Variants in CCDC149 observed in about 807,000 individuals in gnomAD.
CCDC149 encodes coiled-coil domain containing 149.
A neutral mutation model predicts 59.9 loss-of-function variants in CCDC149; 45 were observed. The ratio of observed to expected loss-of-function variants is 0.75; its 90% confidence interval spans 0.59 to 0.96. CCDC149 has a LOEUF of 0.96. Among genes scored for constraint, CCDC149 ranks in the 40% least tolerant of loss-of-function variants. The pLI is 0.00. For missense variants in CCDC149, 584 were observed against 664.7 expected (o/e 0.88, Z 1.33); for synonymous variants, 245 against 260.6 (o/e 0.94, Z 0.58).
intron 1 of CCDC149, among the ~76,000 whole-genome samples, chr4:24,971,452 C>G (rs1172468631): frequency 6.6e-6 from 1 of 152,216 alleles, no homozygotes; most frequent in Non-Finnish European, 1.5e-5. Flanking sequence ...GGTGCACAAC[C>G]CTGCACATTA....
At chr4:24,823,087 T>G (rs1715514847) in intron 9 of CCDC149, 1 of 152,258 alleles carries the variant, frequency 6.6e-6, no homozygotes, top group Non-Finnish European at 1.5e-5. Context: ...ATGTCCACAT[T>G]CTTGATATTT....
intron 8 of CCDC149, among the ~76,000 whole-genome samples, chr4:24,833,404 A>G (rs190440249): frequency 5.8e-4 from 88 of 152,256 alleles, no homozygotes; most frequent in African/African-American, 2.0e-3. Flanking sequence ...CGGGCAGATC[A>G]CCTGAGGTCA....
At chr4:24,810,110 C>G (rs1714500734) in intron 12 of CCDC149, among the ~76,000 whole-genome samples, 2 of 152,142 alleles carry the variant, frequency 1.3e-5, no homozygotes, top group South Asian at 4.1e-4. Context: ...ATGCACTGAT[C>G]AGTTTCTCCC....
At chr4:24,825,021 AGAG>A (rs1715634662) in intron 9 of CCDC149, among the ~76,000 whole-genome samples, 1 of 152,174 alleles carries the variant, frequency 6.6e-6, no homozygotes, top group South Asian at 2.1e-4. Flanking sequence ...CAGCCCAGGG[AGAG>A]AAGAGGGGCT....
intron 1 of CCDC149, among the ~76,000 whole-genome samples, chr4:24,949,584 A>C (rs1200241308): frequency 6.6e-6 from 1 of 152,204 alleles, no homozygotes; most frequent in Non-Finnish European, 1.5e-5. Context: ...GTTAAGGGGT[A>C]AATAAGATAG....
At chr4:24,954,425 T>C (rs1026074572) in intron 1 of CCDC149, among the ~76,000 whole-genome samples, 1 of 152,258 alleles carries the variant, frequency 6.6e-6, no homozygotes, top group Admixed American at 6.5e-5. Flanking sequence ...GGTAGGTCTC[T>C]GCCTGGGCTC....
intron 1 of CCDC149, among the ~76,000 whole-genome samples, chr4:24,881,656 G>C (rs144734687): frequency 1.7e-3 from 254 of 152,354 alleles, no homozygotes; most frequent in Non-Finnish European, 2.1e-3. Flanking sequence ...GACTGTCTGG[G>C]GGGGAGAAAA....
At chr4:24,905,643 C>T (rs548434089) in intron 1 of CCDC149, among the ~76,000 whole-genome samples, 2 of 152,198 alleles carry the variant, frequency 1.3e-5, no homozygotes, top group Admixed American at 1.3e-4. Flanking sequence ...GCCATGTTGG[C>T]CAAGCTGGTC....
At chr4:24,967,389 C>G (rs544517407) in intron 1 of CCDC149, among the ~76,000 whole-genome samples, 1 of 152,316 alleles carries the variant, frequency 6.6e-6, no homozygotes, top group South Asian at 2.1e-4. Context: ...CCTGATGGAA[C>G]TTGGCAGATG....
chr4:24,940,552 C>A (rs1722922925), intron 1 of CCDC149, among the ~76,000 whole-genome samples: 1 of 152,098 alleles, frequency 6.6e-6, no homozygotes, highest in African/African-American at 2.4e-5. Flanking sequence ...ACAATATTAA[C>A]CTTAAATGTA....
rs1306353928 is a variant in CCDC149, at chr4:24,918,548, G to C, written c.-64-23430C>G. On this transcript the variant is annotated intron_variant, in intron 1 of 12. Transcript: ENST00000389609. ...GTAGGAGAATTGCCTCCCTGGGCCA[G>C]GCCTTGCTCTGCATCTTACAATTGC... Among the ~76,000 whole-genome samples, 9 of 152,326 alleles carry C rather than the reference G, an allele frequency of 5.9e-5. No individual in the cohort carries two copies. In the South Asian group the frequency reaches 1.9e-3, roughly 32 times the overall value.
Position 24,926,069 on chromosome 4 carries a change from G to A in CCDC149, c.-64-30951C>T, listed in dbSNP as rs570773881. Among the ~76,000 whole-genome samples the A allele has an allele frequency of 7.2e-5, 11 of 152,236 alleles. No individual in the cohort carries two copies. The South Asian group carries it at 8.3e-4, about 11-fold the overall frequency. ...AAATTAGCCAGGCATTATGGTGTGC[G>A]CCTGTAATCCCAGCTACTCGGGAGG... On this transcript the variant is annotated intron_variant, in intron 1 of 12. Transcript: ENST00000389609.
intron 1 of CCDC149, among the ~76,000 whole-genome samples, chr4:24,974,008 C>T (rs547544122): frequency 1.3e-5 from 2 of 152,350 alleles, no homozygotes; most frequent in South Asian, 2.1e-4. Context: ...CGGTCAGTTG[C>T]GCCTCTGCTT....
At chr4:24,822,749 CAAATAG>C (rs1324816922) in intron 9 of CCDC149, 176 bp from the exon 10 acceptor site, 2 of 437,476 alleles carry the variant, frequency 4.6e-6, no homozygotes, top group Non-Finnish European at 8.4e-6. Flanking sequence ...AGTGCATATA[CAAATAG>C]AAAGTACAGT....
intron 1 of CCDC149, among the ~76,000 whole-genome samples, chr4:24,898,560 A>T (rs2109301760): frequency 6.6e-6 from 1 of 152,252 alleles, no homozygotes; most frequent in Admixed American, 6.5e-5. Flanking sequence ...GAATCCTGGA[A>T]ATGACAAGGT....
At chr4:24,920,048 A>G (rs1285249610) in intron 1 of CCDC149, among the ~76,000 whole-genome samples, 2 of 152,220 alleles carry the variant, frequency 1.3e-5, no homozygotes, top group Non-Finnish European at 2.9e-5. Flanking sequence ...TTCGATTCCC[A>G]TGTCCTGGCT....
Position 24,813,522 on chromosome 4 carries a change from ATAT to A in CCDC149, c.1193-4706_1193-4704del, listed in dbSNP as rs1266322069. Among the ~76,000 whole-genome samples the A allele has an allele frequency of 1.8e-4, 19 of 103,746 alleles. No homozygotes were observed. The South Asian group carries it at 2.2e-3, about 12-fold the overall frequency. The allele number at this position is 103,746 out of a possible 152,430, so 68.1% of individuals were successfully genotyped here. A position where few individuals can be genotyped will look rare whatever the true frequency, so the allele number is the denominator to read the frequency against. ...TATATATATATATATATATATATAT[ATAT>A]ATAAAACCTAAAAAGGAAATATAAT... On this transcript the variant is annotated intron_variant, in intron 12 of 12. Coordinates refer to ENST00000635206, the MANE Select transcript of CCDC149 (RefSeq NM_001330643.2).
intron 3 of CCDC149, among the ~76,000 whole-genome samples, chr4:24,869,812 G>A (rs1560227765): frequency 6.6e-6 from 1 of 152,218 alleles, no homozygotes; most frequent in East Asian, 1.9e-4. Context: ...ACACTCAAAG[G>A]AGCCTTCCCA....
At chr4:24,813,893 T>C (rs1714837633) in intron 12 of CCDC149, among the ~76,000 whole-genome samples, 1 of 151,942 alleles carries the variant, frequency 6.6e-6, no homozygotes, top group South Asian at 2.1e-4. Flanking sequence ...GAAGAGAAAA[T>C]GATCATAGAC....
Sources: allele counts gnomAD v4.1 joint callset (sites outside exome capture counted in the v4.1 genomes callset), GRCh38; gene constraint gnomAD v4.1.1; transcripts MANE v1.5; gene names NCBI Gene and HGNC (gene_info 2026-07-23, HGNC 2026-07-21).